Variants in ANKRD11 observed in about 807,000 individuals in gnomAD.
ANKRD11 encodes ankyrin repeat domain 11.
ANKRD11 carries 17 observed loss-of-function variants against 195.7 expected under a neutral mutation model. The ratio of observed to expected loss-of-function variants is 0.09; its 90% CI spans 0.06 to 0.13. The LOEUF (loss-of-function observed/expected upper bound fraction) is 0.13, where lower values mean the gene tolerates loss of function less well. Ranked by LOEUF, ANKRD11 falls within the 10% of genes least tolerant of loss-of-function variation. The pLI is 1.00. For synonymous variants in ANKRD11, 1,953 were observed against 1,528.1 expected (o/e 1.28, Z -6.49); for missense variants, 3,735 against 3,566.1 (o/e 1.05, Z -1.21).
chr16:89,415,350 C>T lies in ANKRD11; in HGVS notation c.-60+2934G>A, dbSNP rs1343391081. ...TGCGATCTCGGTTTACTGCAAGCTC[C>T]GCCTCCCAGGTTCACGCCATTCTCC... is the stretch of plus-strand genomic sequence containing the variant. On this transcript the variant is annotated intron_variant, in intron 2 of 12. Transcript: ENST00000301030. Among the ~76,000 whole-genome samples, 15 of 149,450 alleles carry T rather than the reference C, an allele frequency of 1.0e-4. 1 individual carries two copies. Among genetic ancestry groups the T allele is most frequent in the African/African-American group, 3.0e-4 (12 of 39,960 alleles).
At chr16:89,408,195 C>G (rs1388141854) in intron 2 of ANKRD11, among the ~76,000 whole-genome samples, 1 of 152,190 alleles carries the variant, frequency 6.6e-6, no homozygotes, top group East Asian at 1.9e-4. Context: ...CATACAGATA[C>G]TCGGCCAAGA....
At chr16:89,468,342 C>T (rs531775214) in intron 1 of ANKRD11, among the ~76,000 whole-genome samples, 4 of 152,102 alleles carry the variant, frequency 2.6e-5, no homozygotes, top group Non-Finnish European at 2.9e-5. Context: ...ATCATGAGGT[C>T]GGGGGGAAAG....
intron 1 of ANKRD11, among the ~76,000 whole-genome samples, chr16:89,457,120 C>G (rs891889281): frequency 6.7e-6 from 1 of 150,334 alleles, no homozygotes; most frequent in African/African-American, 2.4e-5. Flanking sequence ...CCACTACGCC[C>G]GGCTAATTTT....
At chr16:89,430,246 G>A (rs541492096) in intron 1 of ANKRD11, among the ~76,000 whole-genome samples, 10 of 120,328 alleles carry the variant, frequency 8.3e-5, no homozygotes, top group African/African-American at 1.7e-4. Context: ...GCGCTCAGTC[G>A]TTCTAGTACA....
chr16:89,462,430 T>C (rs996394645), intron 1 of ANKRD11, among the ~76,000 whole-genome samples: 4 of 152,088 alleles, frequency 2.6e-5, no homozygotes, highest in African/African-American at 9.7e-5. Context: ...AACCTCCACC[T>C]CCCAGCCGCC....
intron 9 of ANKRD11, 128 bp from the exon 10 acceptor site, chr16:89,275,319 C>T: frequency 8.3e-6 from 6 of 724,122 alleles, no homozygotes; most frequent in Non-Finnish European, 1.4e-5. Context: ...GAGGCCTCCT[C>T]CAGTCCCAGC....
intron 2 of ANKRD11, among the ~76,000 whole-genome samples, chr16:89,383,972 G>C (rs561537547): frequency 3.3e-4 from 51 of 152,324 alleles, no homozygotes; most frequent in African/African-American, 1.2e-3. Flanking sequence ...TAAAGAATCT[G>C]AAACTGGGAG....
chr16:89,350,781 C>T (rs1464700037), intron 2 of ANKRD11, among the ~76,000 whole-genome samples: 2 of 152,186 alleles, frequency 1.3e-5, no homozygotes, highest in African/African-American at 4.8e-5. Flanking sequence ...TCATGAGCAA[C>T]ATGATGCTCA....
chr16:89,313,398 C>T lies in ANKRD11; in HGVS notation c.87+3535G>A, dbSNP rs148822359. On this transcript the variant is annotated intron_variant, in intron 3 of 12. Transcript: ENST00000301030. Reference sequence around the variant, plus strand: ...CTCAGCGGTTCTGGGATTCCGTGGTCGGCAATGGTGAGAGACCGTCTGCAG... The same window carrying T: ...CTCAGCGGTTCTGGGATTCCGTGGTTGGCAATGGTGAGAGACCGTCTGCAG... The T allele has an allele frequency of 1.2e-3, 1,509 of 1,288,648 alleles. 4 individuals are homozygous for T. The highest frequency in any genetic ancestry group is 4.7e-3 in the Middle Eastern group (20 of 4,244). The allele number at this position is 1,288,648 out of a possible 1,614,324, so 79.8% of individuals were successfully genotyped here. A position where few individuals can be genotyped will look rare whatever the true frequency, so the allele number is the denominator to read the frequency against.
chr16:89,281,616 C>G lies in ANKRD11; in HGVS notation c.4926G>C (p.Pro1642=). Residue 1642 remains proline, a synonymous_variant, in exon 9 of 13, where the codon CCG becomes CCC. Coordinates refer to ENST00000301030, the MANE Select transcript of ANKRD11 (RefSeq NM_013275.6). This position sits in a 1 kb window ranked among gnomAD's most constrained non-coding sequence, Gnocchi z 5.5. ...KKGLDIPAKK[P]PGLDPPFKDK... ...CTTTAAATGGAGGGTCCAGCCCCGG[C>G]GGTTTCTTAGCAGGAATGTCCAGAC... 7 of 1,614,198 alleles carry G rather than the reference C, an allele frequency of 4.3e-6. No homozygotes were observed. The highest frequency in any genetic ancestry group is 5.9e-6 in the Non-Finnish European group (7 of 1,180,032).
At chr16:89,470,472 C>G (rs2057038569) in intron 1 of ANKRD11, among the ~76,000 whole-genome samples, 2 of 152,120 alleles carry the variant, frequency 1.3e-5, no homozygotes, top group Non-Finnish European at 2.9e-5. Flanking sequence ...TGTGTACAGA[C>G]TAAACGTAGG....
chr16:89,443,706 G>A (rs1055007443), intron 1 of ANKRD11, among the ~76,000 whole-genome samples: 3 of 152,210 alleles, frequency 2.0e-5, no homozygotes, highest in African/African-American at 7.2e-5. Context: ...CAATTCTTAA[G>A]AGCGGGAACA....
chr16:89,301,938 C>T (rs1192627210), intron 4 of ANKRD11, among the ~76,000 whole-genome samples: 1 of 152,188 alleles, frequency 6.6e-6, no homozygotes, highest in Non-Finnish European at 1.5e-5. Flanking sequence ...GCCTCTGCCA[C>T]TTGGACACAG....
intron 1 of ANKRD11, among the ~76,000 whole-genome samples, chr16:89,437,405 C>T (rs191985860): frequency 1.2e-4 from 19 of 152,262 alleles, no homozygotes; most frequent in Admixed American, 5.2e-4. Flanking sequence ...TGGCTCTTCC[C>T]GCCTCCCACT....
intron 2 of ANKRD11, chr16:89,320,460 CGGCAAGGCA>C (rs374023950): frequency 2.0e-5 from 3 of 152,382 alleles, no homozygotes; most frequent in African/African-American, 7.2e-5. Flanking sequence ...CTGTGCTGAG[CGGCAAGGCA>C]CAGCCGCGGG....
At chr16:89,363,330 C>G (rs1298131445) in intron 2 of ANKRD11, among the ~76,000 whole-genome samples, 2 of 151,984 alleles carry the variant, frequency 1.3e-5, no homozygotes. Flanking sequence ...TAAATGCCAG[C>G]CAAGGAGTAA....
At chr16:89,309,110 C>CACCACACGCCCA (rs1295667047) in intron 3 of ANKRD11, among the ~76,000 whole-genome samples, 2 of 152,126 alleles carry the variant, frequency 1.3e-5, no homozygotes, top group Admixed American at 1.3e-4. Flanking sequence ...CATGTGACGC[C>CACCACACGCCCA]ACCACACGCC....
intron 1 of ANKRD11, among the ~76,000 whole-genome samples, chr16:89,468,849 T>C (rs66461358): frequency 0.1 from 15,912 of 152,210 alleles, 1,091 homozygotes; most frequent in Middle Eastern, 0.18. Flanking sequence ...CAATGTATCC[T>C]ACAGGAAGAA....
chr16:89,288,098 GCTTGAGTCTATGGTTCT>G, intron 7 of ANKRD11: 2 of 574,380 alleles, frequency 3.5e-6, no homozygotes, highest in South Asian at 4.6e-5. Context: ...ACTTTCTAAA[GCTTGAGTCTATGGTTCT>G]GTGCACTGGC....
Sources: gnomAD v4.1 joint callset for allele counts (sites outside exome capture counted in the v4.1 genomes callset) on GRCh38, gnomAD v4.1.1 for gene constraint, Gnocchi (gnomAD v3.1) non-coding constraint, MANE v1.5 for transcripts, NCBI Gene and HGNC (gene_info 2026-07-23, HGNC 2026-07-21) for gene names.